ASXL1: variants seen among roughly 807,000 people sequenced by gnomAD.
The protein encoded by ASXL1 is ASXL transcriptional regulator 1.
ASXL1 carries 65 observed loss-of-function variants against 89.1 expected under a neutral mutation model. That is an observed-to-expected ratio of 0.73 (90% CI 0.60 to 0.90). The LOEUF (loss-of-function observed/expected upper bound fraction) is 0.90. ASXL1 is among the 40% of genes least tolerant of loss of function. ASXL1 has a pLI of 0.00. For synonymous variants in ASXL1, 739 were observed against 746.9 expected, an observed-to-expected ratio of 0.99 and a Z score of 0.17; for missense variants, 1,786 against 1,942.9, an observed-to-expected ratio of 0.92 and a Z score of 1.52.
rs961693595 is a variant in ASXL1 at position 32,435,955 on chromosome 20, G to C, written c.3243G>C (p.Leu1081=). Residue 1081 remains leucine (L), a synonymous_variant, in exon 13 of 13, where the codon CTG becomes CTC. Transcript: ENST00000375687. The stretch of plus-strand genomic sequence containing the variant: ...GCCAAAAGATCCCAGATTCCCTACT[G>C]CTGGCCAGTACTGAGTACCAGCCAA... ...AVRQKIPDSL[L]LASTEYQPRA... The C allele has an allele frequency of 2.5e-6, 4 of 1,614,070 alleles. No homozygotes were observed. The highest frequency in any genetic ancestry group is 2.5e-6 in the Non-Finnish European group (3 of 1,179,956).
At chr20:32,428,614 TTC>T (rs2123212774) in intron 6 of ASXL1, 192 bp downstream of exon 6, 1 of 579,430 alleles carries the variant, frequency 1.7e-6, no homozygotes, top group East Asian at 2.9e-5. Context: ...AGTAAGTTTT[TTC>T]TCTTTCTTTA....
chr20:32,398,751 AGGCGCCCGCCACTACGCCC>A (rs1201726369), intron 4 of ASXL1, among the ~76,000 whole-genome samples: 1 of 148,912 alleles, frequency 6.7e-6, no homozygotes, highest in African/African-American at 2.4e-5. Context: ...CTGGGACTAC[AGGCGCCCGCCACTACGCCC>A]GGCTCATTTT....
In ASXL1 at chr20:32,369,120, C is replaced by G; in HGVS notation, c.249C>G (p.Leu83=). ...KLPGRISLFT[L]KKDALQWSRH... is the part of the protein sequence containing the mutation. The stretch of plus-strand genomic sequence containing the variant: ...CTGGCCGAATCAGCCTTTTCACGCT[C>G]AAGGTAAGTGATATGAACTCTCTTT... Residue 83 remains leucine (L), a synonymous_variant, in exon 4 of 13, where the codon CTC becomes CTG. Coordinates refer to ENST00000375687, the MANE Select transcript of ASXL1 (RefSeq NM_015338.6). The G allele has an allele frequency of 6.2e-7, 1 of 1,603,754 alleles. No individual in the cohort carries two copies. The highest frequency in any genetic ancestry group is 2.2e-5 in the East Asian group (1 of 44,838).
intron 4 of ASXL1, among the ~76,000 whole-genome samples, chr20:32,426,793 C>T (rs1012086176): frequency 3.3e-5 from 5 of 151,652 alleles, no homozygotes; most frequent in African/African-American, 1.2e-4. Context: ...CTCCTGACCT[C>T]GTGATCCACC....
chr20:32,439,317 G>T lies in ASXL1; in HGVS notation c.*1979G>T, dbSNP rs758055784. 4.4e-6 allele frequency: 1 copy of T among 229,724 alleles called. No individual in the cohort carries two copies. The highest frequency in any genetic ancestry group is 6.2e-5 in the East Asian group (1 of 16,126). 14.2% of individuals were successfully genotyped at this position (229,724 alleles called of 1,614,324 possible). ...TTGGAACAATAAACCCGTACAACCT[G>T]CAGTTGTGGTCTCAGTCATCTGTGG... On this transcript the variant is annotated 3_prime_UTR_variant, in exon 13 of 13. Coordinates refer to ENST00000375687, the MANE Select transcript of ASXL1 (RefSeq NM_015338.6).
At chr20:32,364,606 G>A (rs1330230139) in intron 1 of ASXL1, among the ~76,000 whole-genome samples, 2 of 152,182 alleles carry the variant, frequency 1.3e-5, no homozygotes, top group Non-Finnish European at 1.5e-5. Context: ...CACGATCATA[G>A]TGCACTAGAG....
At chr20:32,370,401 A>G (rs764463126) in intron 4 of ASXL1, among the ~76,000 whole-genome samples, 1 of 151,794 alleles carries the variant, frequency 6.6e-6, no homozygotes, top group Non-Finnish European at 1.5e-5. Flanking sequence ...ATGAATGGGC[A>G]TGGCTGTGTT....
chr20:32,396,436 G>T (rs6141302), intron 4 of ASXL1, among the ~76,000 whole-genome samples: 56,640 of 152,024 alleles, frequency 0.37, 11,241 homozygotes, highest in East Asian at 0.74. Context: ...TAGGTGGGGC[G>T]TATCCTTTCT....
At position 32,425,799 on chromosome 20, in the gene ASXL1, C is replaced by T. The variant is rs373268197; in HGVS notation, c.253-2329C>T. 1.7e-4 allele frequency among the ~76,000 whole-genome samples: 26 copies of T among 152,196 alleles called. No individual in the cohort carries two copies. In the East Asian group the frequency reaches 3.7e-3, roughly 21 times the overall value. On this transcript the variant is annotated intron_variant, in intron 4 of 12. Coordinates refer to ENST00000375687, the MANE Select transcript of ASXL1 (RefSeq NM_015338.6). Reference sequence around the variant, plus strand: ...TTGGCTCACTAACCTCTGCCTCCTTCGTTCAAGTGATTCTCCTGCCTCAGC... The same window carrying T: ...TTGGCTCACTAACCTCTGCCTCCTTTGTTCAAGTGATTCTCCTGCCTCAGC...
intron 4 of ASXL1, among the ~76,000 whole-genome samples, chr20:32,375,448 CAAAAAA>C (rs71187112): frequency 7.3e-6 from 1 of 136,804 alleles, no homozygotes; most frequent in Non-Finnish European, 1.6e-5. Flanking sequence ...GACTTGGTCT[CAAAAAA>C]AAAAAAGAAA....
chr20:32,383,984 T>TAGA (rs2048533038), intron 4 of ASXL1, among the ~76,000 whole-genome samples: 1 of 152,298 alleles, frequency 6.6e-6, no homozygotes, highest in South Asian at 2.1e-4. Flanking sequence ...ACAGACCTTC[T>TAGA]GATACTCACG....
intron 1 of ASXL1, among the ~76,000 whole-genome samples, chr20:32,364,666 G>T (rs2048177176): frequency 6.6e-6 from 1 of 152,236 alleles, no homozygotes; most frequent in Admixed American, 6.5e-5. Flanking sequence ...AGTCTCAGCT[G>T]AGACTATAGG....
chr20:32,397,249 G>GTTTT (rs1480616920), intron 4 of ASXL1, among the ~76,000 whole-genome samples: 16 of 29,912 alleles, frequency 5.3e-4, no homozygotes, highest in East Asian at 2.8e-3. Context: ...ACCATGCCTG[G>GTTTT]CTTTTTTTTT....
rs777273886 is a variant in ASXL1 at position 32,435,430 on chromosome 20, G to A, written c.2718G>A (p.Glu906=). 6.2e-7 allele frequency: 1 copy of A among 1,614,104 alleles called. No individual in the cohort carries two copies. The highest frequency in any genetic ancestry group is 1.1e-5 in the South Asian group (1 of 91,090). ...GGATACCCATCCCATCGAATGATGA[G>A]GTAGTGAAACAGCCCAAACCAGAAT... The part of the protein sequence containing the change: ...LHWIPIPSND[E]VVKQPKPESR... The change falls in exon 13 of 13, where the codon GAG becomes GAA. Residue 906 remains glutamate (E), a synonymous_variant. Coordinates refer to ENST00000375687, the MANE Select transcript of ASXL1 (RefSeq NM_015338.6).
At chr20:32,358,950 A>C (rs1258645707) in intron 1 of ASXL1, 118 bp downstream of exon 1, 2 of 1,102,896 alleles carry the variant, frequency 1.8e-6, no homozygotes, top group Non-Finnish European at 2.5e-6. Context: ...GGGCGGGGCC[A>C]TCTTCCTTTA....
chr20:32,370,247 T>TATTCCACCATTTCCACC (rs1221794480), intron 4 of ASXL1, among the ~76,000 whole-genome samples: 2 of 152,160 alleles, frequency 1.3e-5, no homozygotes, highest in Admixed American at 6.5e-5. Flanking sequence ...ATTTGTGATA[T>TATTCCACCATTTCCACC]ATATGGTAAT....
intron 4 of ASXL1, among the ~76,000 whole-genome samples, chr20:32,404,676 C>T (rs1311842348): frequency 6.6e-6 from 1 of 152,018 alleles, no homozygotes; most frequent in East Asian, 1.9e-4. Context: ...TTTGCTGTGT[C>T]GAATATGAGT....
intron 4 of ASXL1, among the ~76,000 whole-genome samples, chr20:32,419,234 G>C (rs2049196228): frequency 6.6e-6 from 1 of 152,034 alleles, no homozygotes; most frequent in Non-Finnish European, 1.5e-5. Context: ...ACAGGGTCTT[G>C]TTCTGTCTCT....
In ASXL1 at chr20:32,360,066, C is replaced by CAA. The variant is rs3215635; in HGVS notation, c.57+1247_57+1248dup. 345 of 329,490 alleles carry CAA rather than the reference C, an allele frequency of 1.0e-3. 2 individuals carry two copies. Among genetic ancestry groups the CAA allele is most frequent in the South Asian group, 3.3e-3 (79 of 24,026 alleles). 20.4% of individuals were successfully genotyped at this position (329,490 alleles called of 1,614,324 possible). On this transcript the variant is annotated intron_variant, in intron 1 of 12. Coordinates refer to ENST00000375687, the MANE Select transcript of ASXL1 (RefSeq NM_015338.6). ...AGTTTTCTGCTTCAAAGGTGTTGTG[C>CAA]AAAAAAAAAAAAAATAGACTGTATT... is the stretch of plus-strand genomic sequence containing the variant.
Sources: gnomAD v4.1 joint callset for allele counts (sites outside exome capture counted in the v4.1 genomes callset) on GRCh38, gnomAD v4.1.1 for gene constraint, MANE v1.5 for transcripts, NCBI Gene and HGNC (gene_info 2026-07-23, HGNC 2026-07-21) for gene names.